The following CDHR3 variants were observed in gnomAD, a reference collection of about 807,000 sequenced individuals.
CDHR3 encodes cadherin-related family member 3.
Under a neutral mutation model 86.6 loss-of-function variants are expected in CDHR3, and 79 were observed. The observed-to-expected ratio is 0.91, with a 90% CI of 0.76 to 1.10. CDHR3 has a LOEUF of 1.10. Among genes scored for constraint, CDHR3 ranks in the 50% least tolerant of loss-of-function variants. The pLI is 0.00. For missense variants in CDHR3, 1,081 were observed against 1,077.6 expected (o/e 1.00, Z -0.04); for synonymous variants, 421 against 402.4 (o/e 1.05, Z -0.55).
At chr7:105,993,635 C>G (rs1040189822) in intron 4 of CDHR3, among the ~76,000 whole-genome samples, 12 of 140,166 alleles carry the variant, frequency 8.6e-5, no homozygotes, top group Non-Finnish European at 1.8e-4. Flanking sequence ...ATGATAGCAC[C>G]ACTGCACTGC....
chr7:106,014,831 A>G (rs1158324524), intron 9 of CDHR3, among the ~76,000 whole-genome samples: 1 of 152,214 alleles, frequency 6.6e-6, no homozygotes, highest in African/African-American at 2.4e-5. Context: ...CTTTTCTTCA[A>G]CGAATCTGAA....
chr7:106,025,420 A>T (rs1361599270), intron 15 of CDHR3, among the ~76,000 whole-genome samples: 1 of 152,240 alleles, frequency 6.6e-6, no homozygotes, highest in Non-Finnish European at 1.5e-5. Context: ...ACAAATGTAA[A>T]CAAGGCACTT....
chr7:105,998,816 A>G (rs1018577452), intron 6 of CDHR3, among the ~76,000 whole-genome samples: 4 of 152,140 alleles, frequency 2.6e-5, no homozygotes, highest in African/African-American at 9.7e-5. Context: ...AGAAAAAAAA[A>G]AAGCACCTGA....
chr7:105,997,487 T>C (rs1210952494), intron 6 of CDHR3, among the ~76,000 whole-genome samples: 1 of 152,230 alleles, frequency 6.6e-6, no homozygotes, highest in Non-Finnish European at 1.5e-5. Context: ...TCAGTGCCTT[T>C]GGGCTGACAG....
At chr7:105,989,403 A>G (rs1831020836) in intron 4 of CDHR3, among the ~76,000 whole-genome samples, 1 of 151,720 alleles carries the variant, frequency 6.6e-6, no homozygotes, top group African/African-American at 2.4e-5. Context: ...TAGTACAGCA[A>G]TTTCTCCATT....
chr7:105,975,156 C>T, intron 2 of CDHR3, 110 bp downstream of exon 2: 1 of 974,896 alleles, frequency 1.0e-6, no homozygotes. Flanking sequence ...GTTTAATCTT[C>T]CCTCTTGTAA....
At chr7:106,031,570 C>T (rs543744734) in intron 18 of CDHR3, among the ~76,000 whole-genome samples, 113 of 152,336 alleles carry the variant, frequency 7.4e-4, no homozygotes, top group African/African-American at 2.2e-3. Context: ...AGGCTGCCGC[C>T]GCCGCTGCTG....
chr7:105,988,095 C>T (rs10226079), intron 4 of CDHR3, among the ~76,000 whole-genome samples: 22,800 of 152,094 alleles, frequency 0.15, 1,806 homozygotes, highest in African/African-American at 0.21. Context: ...CGCTATGTTG[C>T]CCAGGCTGGT....
At position 105,986,135 on chromosome 7, in the gene CDHR3, C is replaced by CT. The variant is rs377285904; in HGVS notation, c.513+1853dup. On this transcript the variant is annotated intron_variant, in intron 4 of 18. Coordinates refer to ENST00000317716, the MANE Select transcript of CDHR3 (RefSeq NM_152750.5). The stretch of plus-strand genomic sequence containing the variant: ...TAGAGCAGGCAGGCCCAATCTGTCC[C>CT]TTTTTTTATCAGGAAAACAAAAACT... 7.1e-3 allele frequency among the ~76,000 whole-genome samples: 1,085 copies of CT among 152,246 alleles called. 21 individuals carry two copies. The highest frequency in any genetic ancestry group is 0.023 in the African/African-American group (975 of 41,528).
chr7:105,969,877 C>T (rs1464898337), intron 1 of CDHR3, among the ~76,000 whole-genome samples: 2 of 152,076 alleles, frequency 1.3e-5, no homozygotes, highest in African/African-American at 4.8e-5. Flanking sequence ...CAAAGGAACC[C>T]TGTTTAGTGG....
chr7:106,015,053 C>A (rs1202941870), intron 9 of CDHR3, 58 bp from the exon 10 acceptor site: 27 of 1,377,384 alleles, frequency 2.0e-5, no homozygotes, highest in Non-Finnish European at 2.6e-5. Context: ...ATGTCTCTCG[C>A]AGCCCAATAA....
intron 15 of CDHR3, 50 bp downstream of exon 15, chr7:106,024,612 G>A (rs1402464961): frequency 6.4e-7 from 1 of 1,563,240 alleles, no homozygotes; most frequent in Non-Finnish European, 8.8e-7. Context: ...TTAGGACACT[G>A]TTTCTGGTGA....
At chr7:105,991,285 T>A (rs1402386973) in intron 4 of CDHR3, among the ~76,000 whole-genome samples, 2 of 152,176 alleles carry the variant, frequency 1.3e-5, no homozygotes, top group Admixed American at 1.3e-4. Flanking sequence ...CATGACACAA[T>A]ATTTTTAGTC....
rs1293447352 is a variant in CDHR3, at chr7:106,020,367, C to T, written c.1654-6C>T. ...ATTGAGAATGACCACCTTCTTGCTACTCTAGGTTACTGTGAACATCCTTGA... is the reference window on the plus strand; with the variant it reads ...ATTGAGAATGACCACCTTCTTGCTATTCTAGGTTACTGTGAACATCCTTGA... On this transcript the variant is annotated splice_region_variant and splice_polypyrimidine_tract_variant and intron_variant, in intron 12 of 18. Transcript: ENST00000317716. 3 of 1,597,848 alleles carry T rather than the reference C, an allele frequency of 1.9e-6. No homozygotes were observed. Among genetic ancestry groups the T allele is most frequent in the Non-Finnish European group, 2.6e-6 (3 of 1,171,434 alleles).
intron 1 of CDHR3, among the ~76,000 whole-genome samples, chr7:105,974,204 ACATGC>A (rs1350920334): frequency 6.6e-6 from 1 of 152,240 alleles, no homozygotes; most frequent in Non-Finnish European, 1.5e-5. Context: ...AAGGCAATTC[ACATGC>A]CATCCCTGAG....
At chr7:105,989,337 C>T (rs890788054) in intron 4 of CDHR3, among the ~76,000 whole-genome samples, 3 of 150,530 alleles carry the variant, frequency 2.0e-5, no homozygotes, top group Non-Finnish European at 4.4e-5. Context: ...TGCAGAAGAG[C>T]CTCCTTGGAG....
At position 106,012,883 on chromosome 7, in the gene CDHR3, C is replaced by T; in HGVS notation, c.1076C>T (p.Ala359Val). The change falls in exon 9 of 19, where the codon GCC becomes GTC. Residue 359 changes from alanine to valine, a missense_variant. By Grantham distance (64) the Ala-to-Val change is moderately conservative. Coordinates refer to ENST00000317716, the MANE Select transcript of CDHR3 (RefSeq NM_152750.5). ...AGCATTATGGTGCCGGAAAGAACAG[C>T]CAAGGGGACGTTGCTTCTTGACCTA... ...TFSIMVPERTAKGTLLLDLNK... is the reference protein window; with the variant it reads ...TFSIMVPERTVKGTLLLDLNK... 1.2e-6 allele frequency: 2 copies of T among 1,609,688 alleles called. No individual in the cohort carries two copies. Among genetic ancestry groups the T allele is most frequent in the South Asian group, 2.2e-5 (2 of 90,162 alleles).
chr7:105,976,005 C>T (rs528327391), intron 2 of CDHR3, among the ~76,000 whole-genome samples: 13 of 152,318 alleles, frequency 8.5e-5, no homozygotes, highest in East Asian at 3.9e-4. Context: ...CCCAGATTTC[C>T]GGTATTCTCA....
At chr7:105,983,559 G>GA (rs1029931874) in intron 3 of CDHR3, among the ~76,000 whole-genome samples, 1 of 152,110 alleles carries the variant, frequency 6.6e-6, no homozygotes, top group African/African-American at 2.4e-5. Context: ...CACTGGGAAG[G>GA]AAAAAATGCC....
Sources: allele counts gnomAD v4.1 joint callset (sites outside exome capture counted in the v4.1 genomes callset), GRCh38; gene constraint gnomAD v4.1.1; transcripts MANE v1.5; gene names NCBI Gene and HGNC (gene_info 2026-07-23, HGNC 2026-07-21).